Variants in SERPINF2 observed in about 807,000 individuals in gnomAD.
The protein encoded by SERPINF2 is serpin family F member 2, also known as alpha-2-antiplasmin.
SERPINF2 carries 15 observed loss-of-function variants against 45.0 expected under a neutral mutation model. The observed-to-expected ratio is 0.33, with a 90% CI of 0.22 to 0.51. SERPINF2 has a LOEUF of 0.51. SERPINF2 is among the 20% of genes least tolerant of loss of function. SERPINF2 has a pLI of 0.97. For missense variants in SERPINF2, 518 were observed against 637.4 expected, an observed-to-expected ratio of 0.81 and a Z score of 2.02; for synonymous variants, 283 against 277.9, an observed-to-expected ratio of 1.02 and a Z score of -0.18.
At chr17:1,746,411 T>C (rs1289350419) in intron 5 of SERPINF2, among the ~76,000 whole-genome samples, 1 of 151,358 alleles carries the variant, frequency 6.6e-6, no homozygotes, top group East Asian at 2.0e-4. Context: ...TCTGCTTATT[T>C]ACAAGTCCTC....
chr17:1,746,998 AG>A lies in SERPINF2; in HGVS notation c.368-20del. 6.2e-7 allele frequency: 1 copy of A among 1,602,390 alleles called. No homozygotes were observed. Among genetic ancestry groups the A allele is most frequent in the Non-Finnish European group, 8.5e-7 (1 of 1,179,050 alleles). On this transcript the variant is annotated intron_variant, in intron 5 of 9. Coordinates refer to ENST00000453066, the MANE Select transcript of SERPINF2 (RefSeq NM_000934.4). ...GAGAAAGGACCCGCAGCCGGGCCTCAGCCTGTGCGGTGCCCTCCAGGTGCTC... is the reference window on the plus strand; with the variant it reads ...GAGAAAGGACCCGCAGCCGGGCCTCACCTGTGCGGTGCCCTCCAGGTGCTC...
intron 5 of SERPINF2, among the ~76,000 whole-genome samples, 160 bp downstream of exon 5, chr17:1,746,069 C>G (rs1445948645): frequency 2.6e-5 from 4 of 152,128 alleles, no homozygotes; most frequent in Non-Finnish European, 4.4e-5. Context: ...CCTGTAATCC[C>G]AACACTTTGG....
rs116396736 is a variant in SERPINF2, at chr17:1,749,856, C to T, written c.858+1116C>T. On this transcript the variant is annotated intron_variant, in intron 8 of 9. Coordinates refer to ENST00000453066, the MANE Select transcript of SERPINF2 (RefSeq NM_000934.4). ...CCACGGCCATGTAGCCACTCAGGGTCTCTGCAGCCCCCAGCCTGGGAGATT... is the reference window on the plus strand; with the variant it reads ...CCACGGCCATGTAGCCACTCAGGGTTTCTGCAGCCCCCAGCCTGGGAGATT... Among the ~76,000 whole-genome samples the T allele has an allele frequency of 8.4e-3, 1,284 of 152,224 alleles. 15 individuals carry two copies. The highest frequency in any genetic ancestry group is 0.029 in the African/African-American group (1,193 of 41,528).
Position 1,748,499 on chromosome 17 carries a change from G to C in SERPINF2, c.716-99G>C. Reference sequence around the variant, plus strand: ...TCTGGGTGGGACAGGCAACGGGCTGGGGGTGCAGAGCCCAAGCTGGTCCCC... The same window carrying C: ...TCTGGGTGGGACAGGCAACGGGCTGCGGGTGCAGAGCCCAAGCTGGTCCCC... On this transcript the variant is annotated intron_variant, in intron 7 of 9. Coordinates refer to ENST00000453066, the MANE Select transcript of SERPINF2 (RefSeq NM_000934.4). 21 of 1,503,556 alleles carry C rather than the reference G, an allele frequency of 1.4e-5. 1 individual carries two copies. Among genetic ancestry groups the C allele is most frequent in the Non-Finnish European group, 1.9e-5 (21 of 1,092,886 alleles). 93.1% of individuals were successfully genotyped at this position (1,503,556 alleles called of 1,614,324 possible).
chr17:1,743,604 A>C (rs962168464), intron 1 of SERPINF2, among the ~76,000 whole-genome samples: 1 of 150,188 alleles, frequency 6.7e-6, no homozygotes, highest in African/African-American at 2.5e-5. Context: ...AATCCCAGCT[A>C]CTCGGGAGGC....
chr17:1,754,677 G>GTT lies in SERPINF2; in HGVS notation c.*145_*146dup. On this transcript the variant is annotated 3_prime_UTR_variant, in exon 10 of 10. Coordinates refer to ENST00000453066, the MANE Select transcript of SERPINF2 (RefSeq NM_000934.4). ...ATTCTTTCCCAACACCTCTTGGGGA[G>GTT]TTTAGGGTGGGGGGGGGGCGCGGCT... 12 of 233,398 alleles carry GTT rather than the reference G, an allele frequency of 5.1e-5. No homozygotes were observed. The highest frequency in any genetic ancestry group is 8.8e-5 in the Non-Finnish European group (11 of 125,500). The allele number at this position is 233,398 out of a possible 1,614,324, so 14.5% of individuals were successfully genotyped here. A position where few individuals can be genotyped will look rare whatever the true frequency, so the allele number is the denominator to read the frequency against.
Position 1,754,667 on chromosome 17 carries a change from CTCTT to C in SERPINF2, c.*134_*137del. The C allele has an allele frequency of 1.4e-6, 1 of 693,424 alleles. No homozygotes were observed. Among genetic ancestry groups the C allele is most frequent in the Non-Finnish European group, 2.1e-6 (1 of 473,842 alleles). The allele number at this position is 693,424 out of a possible 1,614,324, so 43.0% of individuals were successfully genotyped here. A position where few individuals can be genotyped will look rare whatever the true frequency, so the allele number is the denominator to read the frequency against. On this transcript the variant is annotated 3_prime_UTR_variant, in exon 10 of 10. Coordinates refer to ENST00000453066, the MANE Select transcript of SERPINF2 (RefSeq NM_000934.4). ...GAGAGAGGCCATTCTTTCCCAACACCTCTTGGGGAGTTTAGGGTGGGGGGGGGGC... is the reference window on the plus strand; with the variant it reads ...GAGAGAGGCCATTCTTTCCCAACACCGGGGAGTTTAGGGTGGGGGGGGGGC...
At chr17:1,753,173 A>G (rs577877339) in intron 9 of SERPINF2, among the ~76,000 whole-genome samples, 5 of 152,208 alleles carry the variant, frequency 3.3e-5, no homozygotes, top group African/African-American at 1.2e-4. Flanking sequence ...GGGAAGCTGA[A>G]GTGGGTGGAT....
chr17:1,744,243 A>C (rs1036284562), intron 1 of SERPINF2, among the ~76,000 whole-genome samples: 40 of 150,348 alleles, frequency 2.7e-4, no homozygotes, highest in African/African-American at 9.5e-4. Context: ...CTGTAATCCC[A>C]GTACTTTGGG....
rs934809916 is a variant in SERPINF2, at chr17:1,744,702, G to A, written c.-4-290G>A. ...GCGCAGGGCCTTGTAGAATGAGAAC[G>A]TTTTTGATTTGGTATCTCCCTCCTA... On this transcript the variant is annotated intron_variant, in intron 1 of 9. Coordinates refer to ENST00000453066, the MANE Select transcript of SERPINF2 (RefSeq NM_000934.4). The A allele has an allele frequency of 5.1e-6, 5 of 985,288 alleles. No homozygotes were observed. The African/African-American group carries it at 7.0e-5, about 14-fold the overall frequency. 61.0% of individuals were successfully genotyped at this position (985,288 alleles called of 1,614,324 possible). A position where few individuals can be genotyped will look rare whatever the true frequency, so the allele number is the denominator to read the frequency against.
At chr17:1,751,571 G>A (rs1320145359) in intron 8 of SERPINF2, among the ~76,000 whole-genome samples, 1 of 136,074 alleles carries the variant, frequency 7.3e-6, no homozygotes, top group Admixed American at 7.3e-5. Flanking sequence ...TGGCTAACAC[G>A]GTGAAACCCC....
At chr17:1,752,331 C>T (rs999690213) in intron 8 of SERPINF2, among the ~76,000 whole-genome samples, 7 of 152,158 alleles carry the variant, frequency 4.6e-5, no homozygotes, top group African/African-American at 1.7e-4. Flanking sequence ...GCTAGGATTA[C>T]AGGCGTGAGC....
Position 1,754,926 on chromosome 17 carries a change from T to A in SERPINF2, c.*392T>A, listed in dbSNP as rs573072077. 13 of 262,806 alleles carry A rather than the reference T, an allele frequency of 4.9e-5. No individual in the cohort carries two copies. The highest frequency in any genetic ancestry group is 2.5e-4 in the African/African-American group (11 of 44,786). The allele number at this position is 262,806 out of a possible 1,614,324, so 16.3% of individuals were successfully genotyped here. A position where few individuals can be genotyped will look rare whatever the true frequency, so the allele number is the denominator to read the frequency against. ...GCCTTTGGACTTGTCCCGGGACACCTAGGCTAGGGTGGGGAGAGACGGGCC... is the reference window on the plus strand; with the variant it reads ...GCCTTTGGACTTGTCCCGGGACACCAAGGCTAGGGTGGGGAGAGACGGGCC... On this transcript the variant is annotated 3_prime_UTR_variant, in exon 10 of 10. Transcript: ENST00000453066.
Position 1,752,165 on chromosome 17 carries a change from C to T in SERPINF2, c.859-421C>T, listed in dbSNP as rs1362722114. On this transcript the variant is annotated intron_variant, in intron 8 of 9. Coordinates refer to ENST00000453066, the MANE Select transcript of SERPINF2 (RefSeq NM_000934.4). The stretch of plus-strand genomic sequence containing the variant: ...CTCCCGGGTTCAAGCAATTCTCCTG[C>T]CTCAGCCTCCCGAGTTGCTGCGATT... Among the ~76,000 whole-genome samples, 121 of 151,820 alleles carry T rather than the reference C, an allele frequency of 8.0e-4. 3 individuals carry two copies. Among genetic ancestry groups the T allele is most frequent in the Non-Finnish European group, 8.8e-5 (6 of 67,942 alleles).
chr17:1,750,048 ACTGCAGCCT>A (rs1461708668), intron 8 of SERPINF2, among the ~76,000 whole-genome samples: 1 of 151,058 alleles, frequency 6.6e-6, no homozygotes, highest in Admixed American at 6.6e-5. Context: ...ATCTCGGCTC[ACTGCAGCCT>A]CTGCCTCCTG....
intron 8 of SERPINF2, among the ~76,000 whole-genome samples, chr17:1,752,112 C>G (rs1420036514): frequency 1.4e-5 from 2 of 147,168 alleles, no homozygotes; most frequent in African/African-American, 4.9e-5. Context: ...AGTGCAGTGG[C>G]TTGATCTTGG....
At chr17:1,744,688 T>C in intron 1 of SERPINF2, 4 of 985,380 alleles carry the variant, frequency 4.1e-6, no homozygotes, top group Non-Finnish European at 4.8e-6. Context: ...CGCAGGGCCT[T>C]GTAGAATGAG....
In SERPINF2 at chr17:1,744,475, G is replaced by A. The variant is rs1040536430; in HGVS notation, c.-4-517G>A. On this transcript the variant is annotated intron_variant, in intron 1 of 9. Transcript: ENST00000453066. The stretch of plus-strand genomic sequence containing the variant: ...GCCACTGCACTCCAGCCTGGTCAAC[G>A]AGAGCGAAACTCCGTCTCAAAAAAT... The A allele has an allele frequency of 2.0e-5, 18 of 904,330 alleles. No homozygotes were observed. The South Asian group carries it at 5.6e-4, about 28-fold the overall frequency. 56.0% of individuals were successfully genotyped at this position (904,330 alleles called of 1,614,324 possible).
At chr17:1,750,055 C>T (rs1396637441) in intron 8 of SERPINF2, among the ~76,000 whole-genome samples, 1 of 151,776 alleles carries the variant, frequency 6.6e-6, no homozygotes, top group East Asian at 1.9e-4. Context: ...CTCACTGCAG[C>T]CTCTGCCTCC....
Sources: gnomAD v4.1 joint callset for allele counts (sites outside exome capture counted in the v4.1 genomes callset) on GRCh38, gnomAD v4.1.1 for gene constraint, MANE v1.5 for transcripts, NCBI Gene and HGNC (gene_info 2026-07-23, HGNC 2026-07-21) for gene names.